COMMD1: variants seen among roughly 807,000 people sequenced by gnomAD.
COMMD1 encodes COMM domain-containing protein 1.
COMMD1 carries 10 observed loss-of-function variants against 17.2 expected under a neutral mutation model. The observed-to-expected ratio is 0.58, with a 90% CI of 0.36 to 0.99. The LOEUF (loss-of-function observed/expected upper bound fraction) is 0.99. COMMD1 is among the 50% of genes least tolerant of loss of function. The pLI is 0.01. For missense variants in COMMD1, 270 were observed against 231.8 expected (o/e 1.17, Z -1.07); for synonymous variants, 97 against 91.6 (o/e 1.06, Z -0.34).
At chr2:62,066,927 TG>T (rs1181946364) in intron 2 of COMMD1, among the ~76,000 whole-genome samples, 2 of 151,202 alleles carry the variant, frequency 1.3e-5, no homozygotes, top group African/African-American at 2.4e-5. Context: ...GGTTTCACCA[TG>T]TTGGCCAGGC....
In COMMD1 at chr2:62,129,629, A is replaced by G. The variant is rs116067736; in HGVS notation, c.463-6202A>G. Among the ~76,000 whole-genome samples, 502 of 152,362 alleles carry G rather than the reference A, an allele frequency of 3.3e-3. 3 individuals carry two copies. Among genetic ancestry groups the G allele is most frequent in the Middle Eastern group, 6.8e-3 (2 of 294 alleles). On this transcript the variant is annotated intron_variant, in intron 2 of 2. Transcript: ENST00000311832. ...TGAACTTCTCTGGCAGGCAATGTTCAGTGCTACTGGGTTTCTTATTTATTA... is the reference window on the plus strand; with the variant it reads ...TGAACTTCTCTGGCAGGCAATGTTCGGTGCTACTGGGTTTCTTATTTATTA...
intron 2 of COMMD1, among the ~76,000 whole-genome samples, chr2:62,045,726 G>A (rs1263495655): frequency 7.5e-6 from 1 of 132,848 alleles, no homozygotes; most frequent in Non-Finnish European, 1.6e-5. Context: ...TTACTTTCAA[G>A]TTAATTTTTT....
chr2:62,058,674 G>A (rs1333834559), intron 2 of COMMD1, among the ~76,000 whole-genome samples: 1 of 152,122 alleles, frequency 6.6e-6, no homozygotes, highest in African/African-American at 2.4e-5. Context: ...GGAAGGTCAA[G>A]GCTGCAGTGA....
At chr2:62,045,455 ATTC>A (rs1160932984) in intron 2 of COMMD1, among the ~76,000 whole-genome samples, 1 of 151,912 alleles carries the variant, frequency 6.6e-6, no homozygotes, top group African/African-American at 2.4e-5. Flanking sequence ...CCATAATCCT[ATTC>A]TTGTGGCCTT....
chr2:61,948,775 G>A (rs1670978512), intron 1 of COMMD1, among the ~76,000 whole-genome samples: 1 of 152,244 alleles, frequency 6.6e-6, no homozygotes, highest in Admixed American at 6.5e-5. Flanking sequence ...TATGGAGGAT[G>A]TAGACTAAAT....
rs530820337 is a variant in COMMD1, at chr2:62,030,859, C to T, written c.462+29877C>T. ...TATATTTTACAATTTGGTAAAAATA[C>T]AGTACTCTAGGTGACTGTGTAACCT... On this transcript the variant is annotated intron_variant, in intron 2 of 2. Transcript: ENST00000311832. Among the ~76,000 whole-genome samples the T allele has an allele frequency of 3.3e-5, 5 of 152,098 alleles. No homozygotes were observed. The South Asian group carries it at 1.0e-3, about 32-fold the overall frequency.
chr2:61,980,036 A>T (rs1365877957), intron 1 of COMMD1, among the ~76,000 whole-genome samples: 30 of 38,964 alleles, frequency 7.7e-4, no homozygotes, highest in Non-Finnish European at 1.2e-3. Flanking sequence ...ACTGAGAATG[A>T]TGGTTTCCAA....
chr2:62,135,950 T>C lies in COMMD1; in HGVS notation c.*9T>C, dbSNP rs368592447. On this transcript the variant is annotated 3_prime_UTR_variant, in exon 3 of 3. Coordinates refer to ENST00000311832, the MANE Select transcript of COMMD1 (RefSeq NM_152516.4). The stretch of plus-strand genomic sequence containing the variant: ...TCAGCCAGCCTAACTGAAGATGATG[T>C]ATGAAGGAGTTGGAGTTGTTGAAAC... 119 of 1,413,258 alleles carry C rather than the reference T, an allele frequency of 8.4e-5. No homozygotes were observed. The highest frequency in any genetic ancestry group is 2.3e-4 in the Admixed American group (14 of 59,746). 87.5% of individuals were successfully genotyped at this position (1,413,258 alleles called of 1,614,324 possible).
Position 61,936,391 on chromosome 2 carries a change from G to C in COMMD1, c.180+30533G>C, listed in dbSNP as rs191167237. 1.2e-3 allele frequency among the ~76,000 whole-genome samples: 180 copies of C among 152,260 alleles called. 3 individuals carry two copies. Among genetic ancestry groups the C allele is most frequent in the Admixed American group, 0.01 (160 of 15,288 alleles). On this transcript the variant is annotated intron_variant, in intron 1 of 2. Coordinates refer to ENST00000311832, the MANE Select transcript of COMMD1 (RefSeq NM_152516.4). ...TTCAGGGAAGCATTCGAATATAAGA[G>C]TAATTATATGTGAATGACAAAAGAC...
chr2:61,917,307 A>G (rs1404160442), intron 1 of COMMD1, among the ~76,000 whole-genome samples: 1 of 151,232 alleles, frequency 6.6e-6, no homozygotes, highest in East Asian at 2.0e-4. Context: ...CAGTGAGCCG[A>G]GATTGTGCCA....
intron 2 of COMMD1, among the ~76,000 whole-genome samples, chr2:62,133,856 C>G (rs1207640141): frequency 6.6e-6 from 1 of 152,098 alleles, no homozygotes; most frequent in African/African-American, 2.4e-5. Context: ...CAAGGTCTCA[C>G]CAAGGTTGCT....
At chr2:61,946,140 G>C (rs1371062477) in intron 1 of COMMD1, among the ~76,000 whole-genome samples, 1 of 152,068 alleles carries the variant, frequency 6.6e-6, no homozygotes, top group Non-Finnish European at 1.5e-5. Flanking sequence ...TAACTTAAGA[G>C]AAGGTTAAGC....
chr2:62,000,713 G>A lies in COMMD1; in HGVS notation c.193G>A (p.Ala65Thr), dbSNP rs1668908530. The change falls in exon 2 of 3, where the codon GCA (alanine) becomes ACA (threonine). Residue 65 changes from alanine (A) to threonine (T), a missense_variant. Physicochemically the swap from Ala to Thr is moderately conservative, Grantham distance 58. Coordinates refer to ENST00000311832, the MANE Select transcript of COMMD1 (RefSeq NM_152516.4). ...MRGILKSIASADMDFNQLEAF... is the reference protein window; with the variant it reads ...MRGILKSIASTDMDFNQLEAF... The stretch of plus-strand genomic sequence containing the variant: ...GTCATCTTTATAGTCTATTGCGTCT[G>A]CAGACATGGATTTCAACCAGCTGGA... The A allele has an allele frequency of 6.2e-7, 1 of 1,614,076 alleles. No individual in the cohort carries two copies. The highest frequency in any genetic ancestry group is 8.5e-7 in the Non-Finnish European group (1 of 1,180,026).
At chr2:61,973,750 T>C (rs1287139949) in intron 1 of COMMD1, among the ~76,000 whole-genome samples, 1 of 152,236 alleles carries the variant, frequency 6.6e-6, no homozygotes, top group Non-Finnish European at 1.5e-5. Context: ...TAGTATTTTT[T>C]TGTGTAAGAG....
At chr2:62,101,540 G>A in intron 2 of COMMD1, among the ~76,000 whole-genome samples, 1 of 152,114 alleles carries the variant, frequency 6.6e-6, no homozygotes, top group East Asian at 1.9e-4. Flanking sequence ...AGCTCAGAAT[G>A]TCTAGGCTGC....
chr2:62,061,221 G>A (rs1180739409), intron 2 of COMMD1, among the ~76,000 whole-genome samples: 1 of 152,118 alleles, frequency 6.6e-6, no homozygotes, highest in East Asian at 1.9e-4. Flanking sequence ...TCTTTTGAGT[G>A]TGTCATATTT....
At chr2:62,010,161 C>T (rs1048042454) in intron 2 of COMMD1, among the ~76,000 whole-genome samples, 10 of 152,058 alleles carry the variant, frequency 6.6e-5, no homozygotes, top group African/African-American at 1.7e-4. Flanking sequence ...CATTTATTCT[C>T]GTTTTAAATA....
intron 2 of COMMD1, among the ~76,000 whole-genome samples, chr2:62,088,587 A>T (rs1028103398): frequency 3.3e-5 from 5 of 152,102 alleles, no homozygotes; most frequent in Admixed American, 3.3e-4. Flanking sequence ...TTGTGTACCT[A>T]CCCATTTACT....
chr2:61,946,918 CCCTT>C (rs760610121), intron 1 of COMMD1, among the ~76,000 whole-genome samples: 2 of 152,126 alleles, frequency 1.3e-5, no homozygotes, highest in African/African-American at 2.4e-5. Flanking sequence ...AGAGTTGTCT[CCCTT>C]CATGCTTATT....
Sources: gnomAD v4.1 joint callset for allele counts (sites outside exome capture counted in the v4.1 genomes callset) on GRCh38, gnomAD v4.1.1 for gene constraint, MANE v1.5 for transcripts, NCBI Gene and HGNC (gene_info 2026-07-23, HGNC 2026-07-21) for gene names.